SCMH1: variants seen among roughly 807,000 people sequenced by gnomAD.
SCMH1 encodes the protein polycomb protein SCMH1.
Under a neutral mutation model 70.8 loss-of-function variants are expected in SCMH1, and 37 were observed. The observed-to-expected ratio is 0.52, with a 90% CI of 0.40 to 0.69. SCMH1 has a LOEUF of 0.69. Among genes scored for constraint, SCMH1 ranks in the 30% least tolerant of loss-of-function variants. SCMH1 has a pLI of 0.00. For synonymous variants in SCMH1, 292 were observed against 307.4 expected (o/e 0.95, Z 0.52); for missense variants, 607 against 827.3 (o/e 0.73, Z 3.27).
chr1:41,132,966 C>T (rs1244856345), intron 6 of SCMH1, among the ~76,000 whole-genome samples: 1 of 152,108 alleles, frequency 6.6e-6, no homozygotes, highest in Non-Finnish European at 1.5e-5. Flanking sequence ...AGTTTGAAGT[C>T]AGGTAGCATG....
chr1:41,172,196 A>C (rs543072349), intron 2 of SCMH1, among the ~76,000 whole-genome samples: 21 of 152,008 alleles, frequency 1.4e-4, no homozygotes, highest in East Asian at 1.2e-3. Flanking sequence ...AAAAAAAAAA[A>C]AAAAACGCTG....
chr1:41,145,925 A>C lies in SCMH1; in HGVS notation c.178-2813T>G, dbSNP rs117980303. ...ACATAATACTTGATAACAATTGACT[A>C]TGTTACTGGTTTATGTGTTTACTAT... On this transcript the variant is annotated intron_variant, in intron 5 of 14. Coordinates refer to ENST00000337495, the Ensembl canonical transcript of SCMH1. Among the ~76,000 whole-genome samples the C allele has an allele frequency of 9.3e-4, 142 of 152,306 alleles. No individual in the cohort carries two copies. In the East Asian group the frequency reaches 0.024, roughly 25 times the overall value.
At chr1:41,234,527 G>A (rs1009526611) in intron 1 of SCMH1, among the ~76,000 whole-genome samples, 2 of 118,908 alleles carry the variant, frequency 1.7e-5, no homozygotes, top group Non-Finnish European at 3.2e-5. Flanking sequence ...GAGTGCAGTG[G>A]CACAATCTCG....
chr1:41,043,589 ATTTTTTTT>A (rs71062570), intron 12 of SCMH1: 2 of 135,294 alleles, frequency 1.5e-5, no homozygotes, highest in African/African-American at 5.4e-5. Context: ...CGCCCGGCTA[ATTTTTTTT>A]TTTTTTTTTG....
chr1:41,033,894 C>T, intron 13 of SCMH1, 89 bp downstream of exon 14: 3 of 1,585,230 alleles, frequency 1.9e-6, no homozygotes, highest in Non-Finnish European at 2.6e-6. Context: ...CCATCTGAGG[C>T]CAGTGCCAGG....
intron 1 of SCMH1, among the ~76,000 whole-genome samples, chr1:41,218,094 T>C (rs1658483360): frequency 6.6e-6 from 1 of 152,158 alleles, no homozygotes; most frequent in Non-Finnish European, 1.5e-5. Flanking sequence ...AAAATGAAAT[T>C]AGGAACTTTT....
chr1:41,093,498 T>C (rs1334202239), intron 8 of SCMH1, among the ~76,000 whole-genome samples: 1 of 152,174 alleles, frequency 6.6e-6, no homozygotes, highest in Non-Finnish European at 1.5e-5. Flanking sequence ...TGTGCACGTG[T>C]ACCCTAGAAC....
chr1:41,122,496 C>A (rs369840746), intron 6 of SCMH1, among the ~76,000 whole-genome samples: 1 of 152,196 alleles, frequency 6.6e-6, no homozygotes, highest in Admixed American at 6.5e-5. Context: ...TCTTCTCCAA[C>A]TAGAATACAA....
At chr1:41,194,007 T>C (rs1006148682) in intron 1 of SCMH1, among the ~76,000 whole-genome samples, 3 of 152,170 alleles carry the variant, frequency 2.0e-5, no homozygotes, top group African/African-American at 7.2e-5. Flanking sequence ...GAACTTACAA[T>C]GTAGTGGAAA....
At chr1:41,229,750 A>T (rs1050262128) in intron 1 of SCMH1, among the ~76,000 whole-genome samples, 4 of 152,178 alleles carry the variant, frequency 2.6e-5, no homozygotes, top group African/African-American at 9.7e-5. Flanking sequence ...TAAAAAAAAA[A>T]TAAGATTGGC....
At chr1:41,225,820 A>G (rs1478879677) in intron 1 of SCMH1, among the ~76,000 whole-genome samples, 2 of 152,234 alleles carry the variant, frequency 1.3e-5, no homozygotes, top group Non-Finnish European at 2.9e-5. Flanking sequence ...AATCAGATGA[A>G]GAATAATTTT....
chr1:41,122,359 TC>T (rs1672161686), intron 6 of SCMH1, among the ~76,000 whole-genome samples: 1 of 152,162 alleles, frequency 6.6e-6, no homozygotes, highest in South Asian at 2.1e-4. Flanking sequence ...AGACATCACT[TC>T]CTCAGAAAGG....
At chr1:41,222,375 A>C (rs1659466509) in intron 1 of SCMH1, among the ~76,000 whole-genome samples, 1 of 152,222 alleles carries the variant, frequency 6.6e-6, no homozygotes, top group African/African-American at 2.4e-5. Flanking sequence ...TGCAAAAGTT[A>C]AACAAAATCA....
chr1:41,182,599 T>C (rs1486641897), intron 2 of SCMH1, among the ~76,000 whole-genome samples: 1 of 152,062 alleles, frequency 6.6e-6, no homozygotes, highest in African/African-American at 2.4e-5. Flanking sequence ...TGATTTCAGC[T>C]ACTCAAGGGG....
chr1:41,183,312 A>C (rs1474436273), intron 2 of SCMH1, among the ~76,000 whole-genome samples: 2 of 152,208 alleles, frequency 1.3e-5, no homozygotes, highest in African/African-American at 4.8e-5. Flanking sequence ...TTTTTCTAAA[A>C]TACAAATAAG....
At chr1:41,212,013 T>C (rs1296924962) in intron 1 of SCMH1, among the ~76,000 whole-genome samples, 1 of 152,070 alleles carries the variant, frequency 6.6e-6, no homozygotes, top group African/African-American at 2.4e-5. Flanking sequence ...CCAGGGCCTG[T>C]TGCGGGGTAG....
At chr1:41,209,898 A>G (rs1252912377) in intron 1 of SCMH1, among the ~76,000 whole-genome samples, 3 of 152,232 alleles carry the variant, frequency 2.0e-5, no homozygotes, top group Non-Finnish European at 4.4e-5. Context: ...AGGGTATTCA[A>G]TTAGGAAAAG....
chr1:41,033,918 A>T, intron 13 of SCMH1, 65 bp downstream of exon 14: 2 of 1,609,768 alleles, frequency 1.2e-6, no homozygotes, highest in Non-Finnish European at 1.7e-6. Context: ...GCAGCCTATC[A>T]CAAAGTACTC....
At chr1:41,144,039 ACTTT>A (rs1200537278) in intron 5 of SCMH1, among the ~76,000 whole-genome samples, 1 of 152,154 alleles carries the variant, frequency 6.6e-6, no homozygotes. Flanking sequence ...AGGGAAATAC[ACTTT>A]CTTTTTTCTT....
Sources: gnomAD v4.1 joint callset for allele counts (sites outside exome capture counted in the v4.1 genomes callset) on GRCh38, gnomAD v4.1.1 for gene constraint, MANE v1.5 for transcripts, NCBI Gene and HGNC (gene_info 2026-07-23, HGNC 2026-07-21) for gene names.